Variants in KCNH5 observed in about 807,000 individuals in gnomAD.
The protein encoded by KCNH5 is voltage-gated delayed rectifier potassium channel KCNH5.
Under a neutral mutation model 96.1 loss-of-function variants are expected in KCNH5, and 46 were observed. That is an observed-to-expected ratio of 0.48 (90% CI 0.38 to 0.61). The LOEUF is 0.61. KCNH5 is among the 20% of genes least tolerant of loss of function. KCNH5 has a pLI of 0.00. For synonymous variants in KCNH5, 439 were observed against 449.8 expected, an observed-to-expected ratio of 0.98 and a Z score of 0.30; for missense variants, 907 against 1,225.8, an observed-to-expected ratio of 0.74 and a Z score of 3.88.
intron 7 of KCNH5, among the ~76,000 whole-genome samples, chr14:62,918,952 A>G (rs530162117): frequency 1.4e-4 from 22 of 152,254 alleles, no homozygotes; most frequent in African/African-American, 5.3e-4. Flanking sequence ...AGTAATTTAA[A>G]TGTTCTTCAA....
chr14:62,782,863 T>G (rs1246500143), intron 9 of KCNH5, among the ~76,000 whole-genome samples: 2 of 152,092 alleles, frequency 1.3e-5, no homozygotes, highest in African/African-American at 4.8e-5. Flanking sequence ...AGGAACACTT[T>G]AGCTATAGAA....
At chr14:62,767,883 CAATAAAAT>C (rs2139962633) in intron 10 of KCNH5, among the ~76,000 whole-genome samples, 1 of 152,194 alleles carries the variant, frequency 6.6e-6, no homozygotes, top group East Asian at 1.9e-4. Context: ...CCATTATAAA[CAATAAAAT>C]AATGTCTTTT....
chr14:62,854,289 G>T (rs767139740), intron 7 of KCNH5, among the ~76,000 whole-genome samples: 3 of 152,034 alleles, frequency 2.0e-5, no homozygotes, highest in East Asian at 3.9e-4. Context: ...CCAGTTCCTA[G>T]AACATGGCAA....
At chr14:62,924,933 T>C (rs1889445400) in intron 7 of KCNH5, among the ~76,000 whole-genome samples, 1 of 151,998 alleles carries the variant, frequency 6.6e-6, no homozygotes, top group Non-Finnish European at 1.5e-5. Context: ...TGAAATTTGC[T>C]AAGAAAGTAG....
intron 4 of KCNH5, among the ~76,000 whole-genome samples, chr14:62,993,248 T>G (rs191966327): frequency 6.6e-6 from 1 of 152,246 alleles, no homozygotes; most frequent in African/African-American, 2.4e-5. Flanking sequence ...TCAGGTAATG[T>G]GATGTCTTCA....
chr14:62,896,895 A>G (rs1355571441), intron 7 of KCNH5, among the ~76,000 whole-genome samples: 1 of 152,212 alleles, frequency 6.6e-6, no homozygotes, highest in Non-Finnish European at 1.5e-5. Context: ...TTTTCAACTT[A>G]ACAATGGCAT....
chr14:63,007,372 C>G (rs971359946), intron 2 of KCNH5, among the ~76,000 whole-genome samples: 2 of 152,162 alleles, frequency 1.3e-5, no homozygotes, highest in African/African-American at 4.8e-5. Context: ...AAGATGCTCT[C>G]TTTATACAGA....
intron 7 of KCNH5, among the ~76,000 whole-genome samples, chr14:62,906,201 T>C (rs1367370481): frequency 1.3e-5 from 2 of 152,188 alleles, no homozygotes; most frequent in African/African-American, 4.8e-5. Flanking sequence ...AGCCAAAACA[T>C]GTGCATTTCC....
intron 8 of KCNH5, among the ~76,000 whole-genome samples, chr14:62,810,300 G>A (rs759300639): frequency 2.0e-5 from 3 of 151,976 alleles, no homozygotes; most frequent in Non-Finnish European, 4.4e-5. Flanking sequence ...TATTAAGCCT[G>A]AAGACATTAC....
At chr14:62,802,093 G>T (rs763949943) in intron 9 of KCNH5, among the ~76,000 whole-genome samples, 1 of 152,080 alleles carries the variant, frequency 6.6e-6, no homozygotes, top group African/African-American at 2.4e-5. Context: ...AGTCTAAAAG[G>T]TACTGTCCTA....
chr14:62,742,683 C>T (rs1885296163), intron 10 of KCNH5, among the ~76,000 whole-genome samples: 1 of 152,122 alleles, frequency 6.6e-6, no homozygotes, highest in Admixed American at 6.6e-5. Context: ...ATACAATCTC[C>T]AGTGATAAAA....
rs756717381 is a variant in KCNH5, at chr14:62,987,056, T to C, written c.549+16A>G. On this transcript the variant is annotated intron_variant, in intron 5 of 10. Transcript: ENST00000322893. ...AACACCACCATCTTGGGAAGCAAAA[T>C]TCATCTCATACTTACTTCAGCTAGT... 4 of 1,570,576 alleles carry C rather than the reference T, an allele frequency of 2.5e-6. No individual in the cohort carries two copies. In the African/African-American group the frequency reaches 4.1e-5, roughly 16 times the overall value.
At chr14:62,857,015 C>G (rs1887943259) in intron 7 of KCNH5, among the ~76,000 whole-genome samples, 1 of 152,072 alleles carries the variant, frequency 6.6e-6, no homozygotes, top group African/African-American at 2.4e-5. Context: ...TAGGACACAG[C>G]AGGATCACTT....
intron 6 of KCNH5, among the ~76,000 whole-genome samples, chr14:62,967,198 G>A (rs1890320622): frequency 6.6e-6 from 1 of 152,030 alleles, no homozygotes; most frequent in South Asian, 2.1e-4. Context: ...GTTATTTATA[G>A]TTTATTAAAA....
intron 9 of KCNH5, among the ~76,000 whole-genome samples, chr14:62,790,941 C>G (rs566990518): frequency 6.6e-6 from 1 of 151,486 alleles, no homozygotes; most frequent in Non-Finnish European, 1.5e-5. Flanking sequence ...TTACTTTTTT[C>G]TTTCTGTTTT....
chr14:62,895,215 A>T (rs972929506), intron 7 of KCNH5, among the ~76,000 whole-genome samples: 1 of 152,128 alleles, frequency 6.6e-6, no homozygotes, highest in East Asian at 1.9e-4. Context: ...TAATTTTTTT[A>T]TGCACCTAGG....
At chr14:62,953,241 A>G (rs1226629297) in intron 6 of KCNH5, among the ~76,000 whole-genome samples, 1 of 151,922 alleles carries the variant, frequency 6.6e-6, no homozygotes, top group African/African-American at 2.4e-5. Flanking sequence ...CTATGGCACT[A>G]CTTCCTCTTG....
At chr14:62,812,788 T>C (rs1339553635) in intron 8 of KCNH5, among the ~76,000 whole-genome samples, 2 of 152,144 alleles carry the variant, frequency 1.3e-5, no homozygotes, top group Non-Finnish European at 2.9e-5. Flanking sequence ...TTCCATTATT[T>C]ACACTTATCT....
chr14:63,024,929 C>T (rs572521076), intron 1 of KCNH5, among the ~76,000 whole-genome samples: 4 of 152,008 alleles, frequency 2.6e-5, no homozygotes, highest in South Asian at 2.1e-4. Flanking sequence ...AAGGAAGCTA[C>T]GAAAATAGAA....
Sources: gnomAD v4.1 joint callset for allele counts (sites outside exome capture counted in the v4.1 genomes callset) on GRCh38, gnomAD v4.1.1 for gene constraint, MANE v1.5 for transcripts, NCBI Gene and HGNC (gene_info 2026-07-23, HGNC 2026-07-21) for gene names.